The following TCF12 variants were observed in gnomAD, a reference collection of about 807,000 sequenced individuals.
TCF12 encodes the protein transcription factor 12, also known as DNA-binding protein HTF4.
A neutral mutation model predicts 86.0 loss-of-function variants in TCF12; 45 were observed. The ratio of observed to expected loss-of-function variants is 0.52; its 90% CI spans 0.41 to 0.67. The LOEUF (loss-of-function observed/expected upper bound fraction) is 0.67, where lower values mean the gene tolerates loss of function less well. TCF12 is among the 30% of genes least tolerant of loss of function. TCF12 has a pLI of 0.00. For missense variants in TCF12, 881 were observed against 859.9 expected, an observed-to-expected ratio of 1.02 and a Z score of -0.31; for synonymous variants, 330 against 299.6, an observed-to-expected ratio of 1.10 and a Z score of -1.05.
intron 5 of TCF12, among the ~76,000 whole-genome samples, chr15:57,150,873 C>CCCTCCCTTCCTTCCTTCCTTCCTTCCTT (rs1177609951): frequency 2.5e-5 from 1 of 40,626 alleles, no homozygotes; most frequent in Non-Finnish European, 5.0e-5. Flanking sequence ...CCCCCTCTGT[C>CCCTCCCTTCCTTCCTTCCTTCCTTCCTT]CCTTCCTTCC....
At chr15:57,227,887 A>C (rs967936834) in intron 8 of TCF12, among the ~76,000 whole-genome samples, 1 of 152,126 alleles carries the variant, frequency 6.6e-6, no homozygotes, top group African/African-American at 2.4e-5. Context: ...TCTTTAAAAT[A>C]GTTTGACTCC....
intron 5 of TCF12, among the ~76,000 whole-genome samples, chr15:57,108,722 G>A (rs1376377837): frequency 2.0e-5 from 3 of 152,048 alleles, no homozygotes; most frequent in African/African-American, 7.2e-5. Flanking sequence ...TGAGAAAAAT[G>A]TCAGTGAGCT....
At chr15:56,965,848 C>A (rs1037112355) in intron 3 of TCF12, among the ~76,000 whole-genome samples, 2 of 152,102 alleles carry the variant, frequency 1.3e-5, no homozygotes, top group African/African-American at 4.8e-5. Context: ...AATTAACATA[C>A]AATTAGTCAC....
At chr15:57,271,111 C>T (rs1268116629) in intron 18 of TCF12, among the ~76,000 whole-genome samples, 1 of 152,178 alleles carries the variant, frequency 6.6e-6, no homozygotes, top group African/African-American at 2.4e-5. Context: ...GGCTGTCAGG[C>T]AGGGATATTT....
At chr15:57,199,181 C>T (rs985643869) in intron 8 of TCF12, among the ~76,000 whole-genome samples, 2 of 152,112 alleles carry the variant, frequency 1.3e-5, no homozygotes. Flanking sequence ...TGCCTCAAAT[C>T]GTTATTCCCG....
chr15:57,148,867 C>T (rs1354230124), intron 5 of TCF12, among the ~76,000 whole-genome samples: 3 of 151,964 alleles, frequency 2.0e-5, no homozygotes, highest in African/African-American at 7.3e-5. Context: ...CAGAATGAGA[C>T]CTCATCTCAA....
At chr15:57,259,613 G>A (rs1567003369) in intron 16 of TCF12, among the ~76,000 whole-genome samples, 1 of 152,218 alleles carries the variant, frequency 6.6e-6, no homozygotes, top group East Asian at 1.9e-4. Context: ...GTCATTTAAT[G>A]GCATGGGCCT....
chr15:57,196,570 A>G (rs2057275567), intron 7 of TCF12, among the ~76,000 whole-genome samples: 1 of 152,094 alleles, frequency 6.6e-6, no homozygotes, highest in Non-Finnish European at 1.5e-5. Context: ...AATTTGATCC[A>G]TTTTTTGTGT....
In TCF12 at chr15:57,164,853, G is replaced by C. The variant is rs559026510; in HGVS notation, c.326-1549G>C. 4.1e-4 allele frequency among the ~76,000 whole-genome samples: 63 copies of C among 152,116 alleles called. 1 individual carries two copies. Among genetic ancestry groups the C allele is most frequent in the African/African-American group, 1.4e-3 (58 of 41,504 alleles). On this transcript the variant is annotated intron_variant, in intron 5 of 20. Transcript: ENST00000333725. ...GTGCCACCACACTTGGCTAATTTTT[G>C]TATTTATAGTAGAGATGAGGTTTCA...
intron 5 of TCF12, among the ~76,000 whole-genome samples, chr15:57,110,919 G>A (rs1268192816): frequency 7.2e-5 from 11 of 152,196 alleles, no homozygotes; most frequent in African/African-American, 2.7e-4. Flanking sequence ...TATGGTAATA[G>A]GAGATTAAAA....
intron 3 of TCF12, among the ~76,000 whole-genome samples, chr15:57,023,046 A>G (rs1162482691): frequency 6.6e-6 from 1 of 152,142 alleles, no homozygotes. Context: ...GTTGTATAAG[A>G]GACATTAAAT....
At chr15:56,938,011 T>G (rs1473513507) in intron 3 of TCF12, among the ~76,000 whole-genome samples, 1 of 150,524 alleles carries the variant, frequency 6.6e-6, no homozygotes, top group Non-Finnish European at 1.5e-5. Flanking sequence ...GTCTGTAGTT[T>G]GCTTTTTTTT....
At chr15:56,981,383 G>A (rs1362222512) in intron 3 of TCF12, among the ~76,000 whole-genome samples, 1 of 152,156 alleles carries the variant, frequency 6.6e-6, no homozygotes. Flanking sequence ...CGGATGTTGT[G>A]TCTTTATATG....
chr15:57,107,394 A>C lies in TCF12; in HGVS notation c.325+15503A>C, dbSNP rs28897443. Among the ~76,000 whole-genome samples the C allele has an allele frequency of 4.0e-3, 616 of 152,320 alleles. 5 individuals carry two copies. Among genetic ancestry groups the C allele is most frequent in the African/African-American group, 0.014 (583 of 41,566 alleles). On this transcript the variant is annotated intron_variant, in intron 5 of 20. Transcript: ENST00000333725. Reference sequence around the variant, plus strand: ...CTGGAAAAGGCAAAACAATGGAGACAGTAAAAAAGATCAGTGGTTGCTAGG... The same window carrying C: ...CTGGAAAAGGCAAAACAATGGAGACCGTAAAAAAGATCAGTGGTTGCTAGG...
intron 3 of TCF12, among the ~76,000 whole-genome samples, chr15:57,008,877 A>C (rs1261974988): frequency 6.6e-6 from 1 of 152,154 alleles, no homozygotes; most frequent in Non-Finnish European, 1.5e-5. Flanking sequence ...TTGGTATCTA[A>C]AGTGGTTTAG....
At chr15:57,002,483 T>G (rs1247738366) in intron 3 of TCF12, among the ~76,000 whole-genome samples, 1 of 152,218 alleles carries the variant, frequency 6.6e-6, no homozygotes, top group Non-Finnish European at 1.5e-5. Context: ...TTCATAAACC[T>G]GAGATTTTCT....
At chr15:57,056,154 T>TGTGTGTGTGTGTGTGTG (rs1567332495) in intron 3 of TCF12, among the ~76,000 whole-genome samples, 1 of 146,586 alleles carries the variant, frequency 6.8e-6, no homozygotes, top group African/African-American at 2.5e-5. Flanking sequence ...TGTGTGTGTG[T>TGTGTGTGTGTGTGTGTG]TTTGAGACAG....
chr15:57,121,235 G>A (rs2254901), intron 5 of TCF12, among the ~76,000 whole-genome samples: 152,227 of 152,324 alleles, frequency 1, 76,065 homozygotes, highest in Non-Finnish European at 1. Context: ...GCTTAACTTC[G>A]CTGATGGATA....
At chr15:57,196,179 T>C (rs2057255051) in intron 7 of TCF12, among the ~76,000 whole-genome samples, 1 of 151,472 alleles carries the variant, frequency 6.6e-6, no homozygotes, top group Non-Finnish European at 1.5e-5. Flanking sequence ...AAAAAAAAAA[T>C]GTAATGGGTG....
Sources: gnomAD v4.1 joint callset for allele counts (sites outside exome capture counted in the v4.1 genomes callset) on GRCh38, gnomAD v4.1.1 for gene constraint, MANE v1.5 for transcripts, NCBI Gene and HGNC (gene_info 2026-07-23, HGNC 2026-07-21) for gene names.